Variants in SLC36A1 observed in about 807,000 individuals in gnomAD.
SLC36A1 encodes solute carrier family 36 member 1, also known as proton-coupled amino acid transporter 1.
A neutral mutation model predicts 47.5 loss-of-function variants in SLC36A1; 30 were observed. The observed-to-expected ratio is 0.63, with a 90% CI of 0.47 to 0.86. The LOEUF (loss-of-function observed/expected upper bound fraction) is 0.86. SLC36A1 is among the 40% of genes least tolerant of loss of function. SLC36A1 has a pLI of 0.00. For missense variants in SLC36A1, 517 were observed against 606.0 expected (o/e 0.85, Z 1.54); for synonymous variants, 255 against 249.7 (o/e 1.02, Z -0.20).
intron 9 of SLC36A1, among the ~76,000 whole-genome samples, chr5:151,478,170 CCA>C (rs1463378011): frequency 1.3e-5 from 2 of 152,162 alleles, no homozygotes; most frequent in African/African-American, 4.8e-5. Flanking sequence ...TTAAATTCAA[CCA>C]CAGAGAAACT....
the SLC36A1 span, among the ~76,000 whole-genome samples, chr5:151,398,226 C>G: frequency 6.6e-6 from 1 of 152,124 alleles, no homozygotes; most frequent in Non-Finnish European, 1.5e-5. Context: ...AGCTTTGCGT[C>G]CCATGGGTAA....
chr5:151,549,223 A>G, the SLC36A1 span: 3 of 1,435,836 alleles, frequency 2.1e-6, no homozygotes, highest in Non-Finnish European at 2.9e-6. Context: ...TTGCGAATTC[A>G]TGCCTCTAGT....
intron 1 of SLC36A1, among the ~76,000 whole-genome samples, chr5:151,454,710 C>T (rs112913946): frequency 0.03 from 3,228 of 108,048 alleles, 159 homozygotes; most frequent in African/African-American, 0.11. Context: ...CATGTGACAG[C>T]TTTTTTTTTT....
At chr5:151,371,856 G>T in the SLC36A1 span, among the ~76,000 whole-genome samples, 13 of 152,232 alleles carry the variant, frequency 8.5e-5, 1 homozygote, top group Admixed American at 7.2e-4. Context: ...TTCTTTTCAG[G>T]TTTGGGGCTA....
chr5:151,541,124 T>G, the SLC36A1 span, among the ~76,000 whole-genome samples: 3 of 152,202 alleles, frequency 2.0e-5, no homozygotes, highest in African/African-American at 7.2e-5. Context: ...AGTGGAGAGA[T>G]AGGAAGCAAT....
At chr5:151,505,745 C>G in the SLC36A1 span, 5 of 1,613,922 alleles carry the variant, frequency 3.1e-6, no homozygotes, top group Non-Finnish European at 4.2e-6. Context: ...CCCCGTCTGC[C>G]AGGCAGGGCC....
At chr5:151,540,221 T>C in the SLC36A1 span, among the ~76,000 whole-genome samples, 15 of 152,296 alleles carry the variant, frequency 9.8e-5, 1 homozygote, top group African/African-American at 3.1e-4. Flanking sequence ...TATATCCCTA[T>C]GGGGGCCAAG....
At chr5:151,473,550 T>C in intron 7 of SLC36A1, 123 bp from the exon 8 acceptor site, 1 of 670,316 alleles carries the variant, frequency 1.5e-6, no homozygotes, top group Non-Finnish European at 2.6e-6. Flanking sequence ...GGTATTAGAC[T>C]TTCTTCCTTT....
intron 8 of SLC36A1, 34 bp from the exon 9 acceptor site, chr5:151,476,556 G>C: frequency 7.2e-7 from 1 of 1,388,410 alleles, no homozygotes; most frequent in Non-Finnish European, 9.4e-7. Flanking sequence ...TCTTTTTTCT[G>C]CACTTTCTCT....
chr5:151,477,092 T>G, intron 9 of SLC36A1: 1 of 390,492 alleles, frequency 2.6e-6, no homozygotes, highest in Admixed American at 3.3e-5. Flanking sequence ...CTGCATTTGA[T>G]TCCCAGCATC....
At chr5:151,398,046 A>G in the SLC36A1 span, among the ~76,000 whole-genome samples, 1 of 152,112 alleles carries the variant, frequency 6.6e-6, no homozygotes, top group Admixed American at 6.6e-5. Flanking sequence ...TGAGCCCAGG[A>G]GGTTGAGGCT....
chr5:151,378,403 A>G, the SLC36A1 span: 15 of 181,650 alleles, frequency 8.3e-5, no homozygotes, highest in Middle Eastern at 1.3e-3. Flanking sequence ...AATATTGACA[A>G]TTCTCTTCTT....
chr5:151,541,550 G>T, the SLC36A1 span, among the ~76,000 whole-genome samples: 1 of 152,206 alleles, frequency 6.6e-6, no homozygotes, highest in African/African-American at 2.4e-5. Flanking sequence ...AAGGAGCCAT[G>T]TTCATGGGAA....
At chr5:151,421,408 GTTC>G in the SLC36A1 span, among the ~76,000 whole-genome samples, 1 of 150,550 alleles carries the variant, frequency 6.6e-6, no homozygotes, top group Non-Finnish European at 1.5e-5. Context: ...CACTCAGCTA[GTTC>G]TTGTATTTTT....
At chr5:151,389,999 T>A in the SLC36A1 span, among the ~76,000 whole-genome samples, 1 of 152,244 alleles carries the variant, frequency 6.6e-6, no homozygotes, top group Non-Finnish European at 1.5e-5. Context: ...TCTTCCACAA[T>A]GGTTGAACTA....
the SLC36A1 span, chr5:151,534,793 T>A: frequency 1.6e-6 from 1 of 610,110 alleles, no homozygotes; most frequent in East Asian, 2.8e-5. Context: ...CAGCTAAGCC[T>A]GTATCCCCCC....
At chr5:151,351,312 A>G in the SLC36A1 span, among the ~76,000 whole-genome samples, 1 of 151,894 alleles carries the variant, frequency 6.6e-6, no homozygotes, top group Non-Finnish European at 1.5e-5. Context: ...TTGATTCCCA[A>G]GCTCTGTTGC....
chr5:151,516,351 G>T, the SLC36A1 span, among the ~76,000 whole-genome samples: 1 of 151,906 alleles, frequency 6.6e-6, no homozygotes, highest in East Asian at 1.9e-4. Context: ...CTCTGCTAAA[G>T]ACGCAAAAGA....
chr5:151,392,405 G>A, the SLC36A1 span, among the ~76,000 whole-genome samples: 1 of 152,070 alleles, frequency 6.6e-6, no homozygotes, highest in Admixed American at 6.5e-5. Context: ...ATCTCCTTCA[G>A]TTCTGCTCTG....
Sources: allele counts gnomAD v4.1 joint callset (sites outside exome capture counted in the v4.1 genomes callset), GRCh38; gene constraint gnomAD v4.1.1; transcripts MANE v1.5; gene names NCBI Gene and HGNC (gene_info 2026-07-23, HGNC 2026-07-21).